Variants in SLC10A7 observed in about 807,000 individuals in gnomAD.
SLC10A7 encodes solute carrier family 10 member 7.
In SLC10A7, 29 loss-of-function variants were observed where a neutral mutation model predicts 43.2. The ratio of observed to expected loss-of-function variants is 0.67; its 90% CI spans 0.50 to 0.92. The LOEUF (loss-of-function observed/expected upper bound fraction) is 0.92. Among genes scored for constraint, SLC10A7 ranks in the 40% least tolerant of loss-of-function variants. SLC10A7 has a pLI of 0.00. For missense variants in SLC10A7, 295 were observed against 403.2 expected (o/e 0.73, Z 2.30); for synonymous variants, 152 against 144.8 (o/e 1.05, Z -0.35).
chr4:146,521,556 A>G, intron 1 of SLC10A7, 62 bp downstream of exon 1: 2 of 1,428,472 alleles, frequency 1.4e-6, no homozygotes, highest in Non-Finnish European at 9.8e-7. Flanking sequence ...CACCTTTCCA[A>G]GACTCACAAA....
chr4:146,340,903 T>C (rs1416491163), intron 5 of SLC10A7, among the ~76,000 whole-genome samples: 1 of 151,882 alleles, frequency 6.6e-6, no homozygotes, highest in Non-Finnish European at 1.5e-5. Context: ...TCAATGGATT[T>C]ACCTAAGTCT....
At chr4:146,420,228 T>C (rs1336883086) in intron 5 of SLC10A7, among the ~76,000 whole-genome samples, 4 of 152,270 alleles carry the variant, frequency 2.6e-5, no homozygotes, top group Non-Finnish European at 5.9e-5. Flanking sequence ...ACATCACTAA[T>C]ACATATCAAA....
In SLC10A7 at chr4:146,357,685, C is replaced by T. The variant is rs536072132; in HGVS notation, c.436-31689G>A. On this transcript the variant is annotated intron_variant, in intron 5 of 11. Coordinates refer to ENST00000335472, the MANE Select transcript of SLC10A7 (RefSeq NM_001029998.6). ...CTATGGAAATTCAATTCCCTCTCCA[C>T]GGTTGTTTCTACCCAAGGTAAGTGA... 1.8e-4 allele frequency among the ~76,000 whole-genome samples: 27 copies of T among 152,312 alleles called. No individual in the cohort carries two copies. In the South Asian group the frequency reaches 5.6e-3, roughly 32 times the overall value.
chr4:146,374,619 TACACACACAC>T (rs59049339), intron 5 of SLC10A7, among the ~76,000 whole-genome samples: 18 of 123,576 alleles, frequency 1.5e-4, no homozygotes, highest in South Asian at 5.6e-4. Flanking sequence ...TATATACACA[TACACACACAC>T]ACACACACAC....
chr4:146,351,656 A>G (rs1345494411), intron 5 of SLC10A7, among the ~76,000 whole-genome samples: 2 of 151,996 alleles, frequency 1.3e-5, no homozygotes, highest in African/African-American at 4.8e-5. Flanking sequence ...TTACCCTCAA[A>G]GGGAAGCCCA....
chr4:146,289,712 T>A lies in SLC10A7; in HGVS notation c.773+3217A>T, dbSNP rs961556240. ...GCCCCATCTCTGATTATTAGTTTTT[T>A]TTTTTTTTTTTTTTTTTTTTTGAGA... On this transcript the variant is annotated intron_variant, in intron 9 of 11. Coordinates refer to ENST00000335472, the MANE Select transcript of SLC10A7 (RefSeq NM_001029998.6). Among the ~76,000 whole-genome samples, 47 of 134,076 alleles carry A rather than the reference T, an allele frequency of 3.5e-4. No homozygotes were observed. In the East Asian group the frequency reaches 7.3e-3, roughly 21 times the overall value. 88.0% of individuals were successfully genotyped at this position (134,076 alleles called of 152,430 possible). A position where few individuals can be genotyped will look rare whatever the true frequency, so the allele number is the denominator to read the frequency against.
At chr4:146,389,729 T>G (rs549411949) in intron 5 of SLC10A7, among the ~76,000 whole-genome samples, 1 of 152,202 alleles carries the variant, frequency 6.6e-6, no homozygotes, top group Non-Finnish European at 1.5e-5. Flanking sequence ...GGAGGGGGAA[T>G]GGCTGTTAGA....
At chr4:146,282,859 G>A (rs1560759799) in intron 10 of SLC10A7, among the ~76,000 whole-genome samples, 1 of 152,092 alleles carries the variant, frequency 6.6e-6, no homozygotes, top group Non-Finnish European at 1.5e-5. Context: ...CCAAAGCAAT[G>A]TTTTTGCCAA....
At chr4:146,515,240 G>C (rs1737837826) in intron 2 of SLC10A7, 1 of 693,114 alleles carries the variant, frequency 1.4e-6, no homozygotes, top group Non-Finnish European at 2.6e-6. Flanking sequence ...AGGGGACATA[G>C]AGCAACGCCC....
At chr4:146,427,618 C>T (rs1729467664) in intron 5 of SLC10A7, among the ~76,000 whole-genome samples, 1 of 151,902 alleles carries the variant, frequency 6.6e-6, no homozygotes, top group Non-Finnish European at 1.5e-5. Context: ...ATACTGTTTC[C>T]ATGATCTCTA....
At chr4:146,414,924 G>A (rs1728463017) in intron 5 of SLC10A7, among the ~76,000 whole-genome samples, 1 of 152,078 alleles carries the variant, frequency 6.6e-6, no homozygotes, top group South Asian at 2.1e-4. Context: ...CACTCCTAAT[G>A]AAAATAGGAC....
At chr4:146,311,360 G>A (rs1731967240) in intron 6 of SLC10A7, among the ~76,000 whole-genome samples, 1 of 152,032 alleles carries the variant, frequency 6.6e-6, no homozygotes. Flanking sequence ...GAAAACAGAT[G>A]GTGCATTTTA....
At chr4:146,477,133 T>G (rs2149977841) in intron 4 of SLC10A7, among the ~76,000 whole-genome samples, 1 of 152,360 alleles carries the variant, frequency 6.6e-6, no homozygotes, top group African/African-American at 2.4e-5. Context: ...ATATGAAATC[T>G]CTGCACTAAA....
chr4:146,267,668 A>G (rs1728645782), intron 10 of SLC10A7, among the ~76,000 whole-genome samples: 1 of 152,150 alleles, frequency 6.6e-6, no homozygotes, highest in Non-Finnish European at 1.5e-5. Context: ...AAGCATCAGA[A>G]CCTCTACTGT....
intron 4 of SLC10A7, among the ~76,000 whole-genome samples, chr4:146,490,582 T>C (rs1735308560): frequency 6.6e-6 from 1 of 152,224 alleles, no homozygotes; most frequent in Non-Finnish European, 1.5e-5. Context: ...TTAAGGCAAC[T>C]ATAGTGAGAT....
At position 146,314,109 on chromosome 4, in the gene SLC10A7, C is replaced by T. The variant is rs1278417857; in HGVS notation, c.472-8100G>A. On this transcript the variant is annotated intron_variant, in intron 6 of 11. Transcript: ENST00000335472. ...CGTCTTGTGTTCTCTACCAGTTGTG[C>T]AGTCTCAGTCGAGTGACAAAATCTC... 2.6e-5 allele frequency among the ~76,000 whole-genome samples: 4 copies of T among 152,262 alleles called. No homozygotes were observed. In the East Asian group the frequency reaches 5.8e-4, roughly 22 times the overall value.
intron 5 of SLC10A7, chr4:146,441,856 A>T: frequency 1.0e-6 from 1 of 985,022 alleles, no homozygotes; most frequent in Non-Finnish European, 1.2e-6. Context: ...ATGTAACAAC[A>T]TGTTTAAAAG....
intron 5 of SLC10A7, among the ~76,000 whole-genome samples, chr4:146,379,184 C>T (rs1737424598): frequency 6.6e-6 from 1 of 152,172 alleles, no homozygotes; most frequent in South Asian, 2.1e-4. Flanking sequence ...CATTAGGATC[C>T]TATTCATTTA....
rs567594618 is a variant in SLC10A7, at chr4:146,365,001, A to G, written c.436-39005T>C. Among the ~76,000 whole-genome samples, 4 of 152,286 alleles carry G rather than the reference A, an allele frequency of 2.6e-5. No homozygotes were observed. In the South Asian group the frequency reaches 8.3e-4, roughly 32 times the overall value. The stretch of plus-strand genomic sequence containing the variant: ...TTTAATGCTGCTCTCATCAGAGAGT[A>G]TCTAGTGAGACAGACCACCCAAAAA... On this transcript the variant is annotated intron_variant, in intron 5 of 11. Transcript: ENST00000335472.
Sources: gnomAD v4.1 joint callset for allele counts (sites outside exome capture counted in the v4.1 genomes callset) on GRCh38, gnomAD v4.1.1 for gene constraint, MANE v1.5 for transcripts, NCBI Gene and HGNC (gene_info 2026-07-23, HGNC 2026-07-21) for gene names.